Variants in FRMD4B observed in about 807,000 individuals in gnomAD.
FRMD4B encodes FERM domain-containing protein 4B.
FRMD4B carries 74 observed loss-of-function variants against 141.5 expected under a neutral mutation model. That is an observed-to-expected ratio of 0.52 (90% CI 0.43 to 0.63). The LOEUF (loss-of-function observed/expected upper bound fraction) is 0.63. Among genes scored for constraint, FRMD4B ranks in the 30% least tolerant of loss-of-function variants. The pLI is 0.00. For missense variants in FRMD4B, 1,366 were observed against 1,253.4 expected (o/e 1.09, Z -1.36); for synonymous variants, 506 against 467.9 (o/e 1.08, Z -1.05).
rs145633721 is a variant in FRMD4B at position 69,458,504 on chromosome 3, A to T, written c.-128-25743T>A. 3.6e-4 allele frequency among the ~76,000 whole-genome samples: 55 copies of T among 152,340 alleles called. 1 individual carries two copies. In the East Asian group the frequency reaches 4.4e-3, roughly 12 times the overall value. ...AGCCAAAAAGTAGGGAAGAGCTACA[A>T]TGTGTCCTCAACGTACAAAGACTGA... On this transcript the variant is annotated intron_variant, in intron 1 of 5. Coordinates refer to the FRMD4B transcript ENST00000459638.
chr3:69,419,276 C>T (rs748083621), intron 2 of FRMD4B, among the ~76,000 whole-genome samples: 8 of 152,138 alleles, frequency 5.3e-5, no homozygotes, highest in Non-Finnish European at 1.2e-4. Context: ...AGTTTATTGG[C>T]TCACATACCT....
At chr3:69,539,942 C>A (rs1259871310) in intron 1 of FRMD4B, among the ~76,000 whole-genome samples, 1 of 152,182 alleles carries the variant, frequency 6.6e-6, no homozygotes, top group Non-Finnish European at 1.5e-5. Context: ...GTAATCCCAG[C>A]ACTTTGGGAG....
At position 69,332,278 on chromosome 3, in the gene FRMD4B, C is replaced by A. The variant is rs114116986; in HGVS notation, c.163-18761G>T. Among the ~76,000 whole-genome samples the A allele has an allele frequency of 7.8e-3, 1,192 of 152,274 alleles. 20 individuals are homozygous for A. Among genetic ancestry groups the A allele is most frequent in the African/African-American group, 0.027 (1,119 of 41,550 alleles). Reference sequence around the variant, plus strand: ...CCTAGTCTGAATGTTCCATCATCACCTCACCTGTCTGGAGTGCCTCAAATT... The same window carrying A: ...CCTAGTCTGAATGTTCCATCATCACATCACCTGTCTGGAGTGCCTCAAATT... On this transcript the variant is annotated intron_variant, in intron 1 of 22. Coordinates refer to ENST00000398540, the MANE Select transcript of FRMD4B (RefSeq NM_015123.3).
At chr3:69,284,952 A>G (rs963986836) in intron 5 of FRMD4B, among the ~76,000 whole-genome samples, 5 of 152,224 alleles carry the variant, frequency 3.3e-5, no homozygotes, top group East Asian at 3.8e-4. Flanking sequence ...ACCTGAGGTC[A>G]GGAGGTTGAG....
intron 5 of FRMD4B, among the ~76,000 whole-genome samples, chr3:69,261,269 A>C (rs1274483349): frequency 6.6e-6 from 1 of 152,220 alleles, no homozygotes; most frequent in African/African-American, 2.4e-5. Flanking sequence ...CATCAGAAGG[A>C]ATGGACTTTG....
chr3:69,506,150 A>T (rs1356551681), intron 1 of FRMD4B, among the ~76,000 whole-genome samples: 1 of 152,094 alleles, frequency 6.6e-6, no homozygotes, highest in African/African-American at 2.4e-5. Flanking sequence ...TTGTACAAAG[A>T]CCATCCACTG....
chr3:69,227,012 T>C (rs965172826), intron 7 of FRMD4B, among the ~76,000 whole-genome samples: 15 of 152,174 alleles, frequency 9.9e-5, no homozygotes, highest in Non-Finnish European at 1.9e-4. Flanking sequence ...TTATATCTAG[T>C]GCCTAAAGAA....
At chr3:69,411,324 C>CAAA (rs1704756300) in intron 2 of FRMD4B, among the ~76,000 whole-genome samples, 4 of 152,152 alleles carry the variant, frequency 2.6e-5, no homozygotes, top group Non-Finnish European at 4.4e-5. Context: ...TTTTCATTGT[C>CAAA]CTGAGAGTAT....
intron 4 of FRMD4B, among the ~76,000 whole-genome samples, chr3:69,290,224 T>G (rs918671020): frequency 1.3e-5 from 2 of 152,086 alleles, no homozygotes; most frequent in African/African-American, 4.8e-5. Context: ...AACAGATGCT[T>G]TTTATACTGC....
intron 1 of FRMD4B, among the ~76,000 whole-genome samples, chr3:69,515,277 G>A (rs532898185): frequency 2.2e-4 from 33 of 152,240 alleles, no homozygotes; most frequent in African/African-American, 7.7e-4. Context: ...TGATCCAATC[G>A]TCTTCCACCA....
chr3:69,233,825 G>A (rs1390927005), intron 7 of FRMD4B, among the ~76,000 whole-genome samples: 1 of 152,152 alleles, frequency 6.6e-6, no homozygotes, highest in Non-Finnish European at 1.5e-5. Context: ...GTCTTCTAGT[G>A]TTGCCTTGTA....
intron 1 of FRMD4B, among the ~76,000 whole-genome samples, chr3:69,492,632 T>C (rs1706318057): frequency 6.6e-6 from 1 of 152,192 alleles, no homozygotes; most frequent in Admixed American, 6.5e-5. Context: ...AGAAACCATT[T>C]TGTCAGGGAA....
At position 69,452,311 on chromosome 3, in the gene FRMD4B, A is replaced by AGAG. The variant is rs1322435087; in HGVS notation, c.-128-19553_-128-19551dup. Among the ~76,000 whole-genome samples, 3 of 152,274 alleles carry AGAG rather than the reference A, an allele frequency of 2.0e-5. No individual in the cohort carries two copies. In the East Asian group the frequency reaches 5.8e-4, roughly 29 times the overall value. ...GACAGTATTGAGGAAGCAACTGGGC[A>AGAG]GAGGTGAAGGATCAACAGGATTGGC... On this transcript the variant is annotated intron_variant, in intron 1 of 5. Transcript: ENST00000459638.
intron 1 of FRMD4B, among the ~76,000 whole-genome samples, chr3:69,507,937 G>A (rs1471874026): frequency 2.0e-5 from 3 of 152,140 alleles, no homozygotes; most frequent in Admixed American, 1.3e-4. Flanking sequence ...TTATATGCAT[G>A]TTCCTACGCA....
intron 1 of FRMD4B, among the ~76,000 whole-genome samples, chr3:69,356,811 A>C (rs927261824): frequency 3.3e-5 from 5 of 152,044 alleles, no homozygotes; most frequent in African/African-American, 9.7e-5. Flanking sequence ...ACCTCATGCC[A>C]GACAGAAGAG....
At chr3:69,244,269 G>A (rs770216637) in intron 7 of FRMD4B, among the ~76,000 whole-genome samples, 2 of 152,140 alleles carry the variant, frequency 1.3e-5, no homozygotes, top group Non-Finnish European at 2.9e-5. Context: ...GTAATTCAAA[G>A]GGAGACAATG....
chr3:69,274,337 G>A (rs140505204), intron 5 of FRMD4B, among the ~76,000 whole-genome samples: 5 of 152,196 alleles, frequency 3.3e-5, no homozygotes, highest in African/African-American at 1.2e-4. Context: ...GCTTAAAAAT[G>A]TAAGTACGAT....
In FRMD4B at chr3:69,196,928, T is replaced by C; in HGVS notation, c.1064A>G (p.Gln355Arg). 6.2e-7 allele frequency: 1 copy of C among 1,611,912 alleles called. No homozygotes were observed. The highest frequency in any genetic ancestry group is 2.2e-5 in the East Asian group (1 of 44,862). ...SIWVMAISQH[Q>R]FYLDRKQSKA... Reference sequence around the variant, plus strand: ...GCTTTGCTTCCGGTCCAAGTAAAACTGATGCTGACTAATTGCCATTACCCA... The same window carrying C: ...GCTTTGCTTCCGGTCCAAGTAAAACCGATGCTGACTAATTGCCATTACCCA... Residue 355 changes from glutamine to arginine, a missense_variant, in exon 13 of 23, where the codon CAG (glutamine) becomes CGG (arginine). Gln to Arg is a conservative substitution (Grantham distance 43). Coordinates refer to ENST00000398540, the MANE Select transcript of FRMD4B (RefSeq NM_015123.3).
chr3:69,210,968 A>T (rs2093071043), intron 11 of FRMD4B, among the ~76,000 whole-genome samples: 1 of 133,342 alleles, frequency 7.5e-6, no homozygotes, highest in Non-Finnish European at 1.6e-5. Flanking sequence ...AGCTGAGCTG[A>T]GCTCGTGCCA....
Sources: allele counts gnomAD v4.1 joint callset (sites outside exome capture counted in the v4.1 genomes callset), GRCh38; gene constraint gnomAD v4.1.1; transcripts MANE v1.5; gene names NCBI Gene and HGNC (gene_info 2026-07-23, HGNC 2026-07-21).